The following NETO1 variants were observed in gnomAD, a reference collection of about 807,000 sequenced individuals.
The protein encoded by NETO1 is neuropilin and tolloid-like protein 1.
Under a neutral mutation model 61.3 loss-of-function variants are expected in NETO1, and 26 were observed. The ratio of observed to expected loss-of-function variants is 0.42; its 90% confidence interval spans 0.31 to 0.59. NETO1 has a LOEUF of 0.59. Ranked by LOEUF, NETO1 falls within the 20% of genes least tolerant of loss-of-function variation. The probability of loss-of-function intolerance (pLI) is 0.12; values close to 1 mark genes in which losing one functional copy is unlikely to be tolerated. For missense variants in NETO1, 531 were observed against 662.8 expected, an observed-to-expected ratio of 0.80 and a Z score of 2.18; for synonymous variants, 225 against 225.8, an observed-to-expected ratio of 1.00 and a Z score of 0.03.
chr18:72,867,368 G>C lies in NETO1; in HGVS notation c.-77C>G. The C allele has an allele frequency of 7.8e-7, 1 of 1,278,220 alleles. No homozygotes were observed. Among genetic ancestry groups the C allele is most frequent in the Non-Finnish European group, 1.1e-6 (1 of 926,830 alleles). 79.2% of individuals were successfully genotyped at this position (1,278,220 alleles called of 1,614,324 possible). On this transcript the variant is annotated 5_prime_UTR_variant, in exon 1 of 11. Coordinates refer to ENST00000327305, the MANE Select transcript of NETO1 (RefSeq NM_138966.5). ...GGGAAGACTTCCAGTGGCGGGGGGAGGACAGGGTCGAGAGGTGTTAAAGAC... is the reference window on the plus strand; with the variant it reads ...GGGAAGACTTCCAGTGGCGGGGGGACGACAGGGTCGAGAGGTGTTAAAGAC...
At chr18:72,783,956 A>G in intron 6 of NETO1, 50 bp from the exon 7 acceptor site, 1 of 1,279,354 alleles carries the variant, frequency 7.8e-7, no homozygotes, top group Non-Finnish European at 1.1e-6. Flanking sequence ...ATGAATGTAC[A>G]TCAGTATCAG....
intron 4 of NETO1, among the ~76,000 whole-genome samples, chr18:72,817,250 G>A (rs1380111795): frequency 6.6e-6 from 1 of 152,112 alleles, no homozygotes; most frequent in Non-Finnish European, 1.5e-5. Context: ...TTGTAGCCCA[G>A]CAAACATACC....
intron 4 of NETO1, among the ~76,000 whole-genome samples, chr18:72,827,576 C>A (rs1436995388): frequency 6.6e-6 from 1 of 152,008 alleles, no homozygotes. Flanking sequence ...ATGAGCTGGG[C>A]ATGGTGATGT....
intron 6 of NETO1, among the ~76,000 whole-genome samples, chr18:72,785,899 C>T (rs908586390): frequency 1.3e-5 from 2 of 152,154 alleles, no homozygotes; most frequent in Admixed American, 6.6e-5. Context: ...ACTCCCCAAT[C>T]GCAGCAGACT....
rs1434755637 is a variant in NETO1 at position 72,763,482 on chromosome 18, T to A, written c.869-7335A>T. Among the ~76,000 whole-genome samples, 3 of 143,992 alleles carry A rather than the reference T, an allele frequency of 2.1e-5. No individual in the cohort carries two copies. The East Asian group carries it at 7.2e-4, about 35-fold the overall frequency. 94.5% of individuals were successfully genotyped at this position (143,992 alleles called of 152,430 possible). A position where few individuals can be genotyped will look rare whatever the true frequency, so the allele number is the denominator to read the frequency against. On this transcript the variant is annotated intron_variant, in intron 7 of 10. Coordinates refer to ENST00000327305, the MANE Select transcript of NETO1 (RefSeq NM_138966.5). ...CTTGCTTTCCTCAAATTATTTTAAC[T>A]TCTTTAATTTTGAGCTTCGTCTAAA... is the stretch of plus-strand genomic sequence containing the variant.
chr18:72,851,311 T>C (rs539912594), intron 4 of NETO1, among the ~76,000 whole-genome samples: 2 of 152,010 alleles, frequency 1.3e-5, no homozygotes, highest in East Asian at 3.9e-4. Context: ...CTAGGGAGGC[T>C]GAGGCAGGAG....
At chr18:72,819,087 C>A (rs145440089) in intron 4 of NETO1, among the ~76,000 whole-genome samples, 87 of 152,120 alleles carry the variant, frequency 5.7e-4, no homozygotes, top group African/African-American at 2.0e-3. Context: ...GAATCTAAGT[C>A]CATGTCTTCC....
intron 7 of NETO1, among the ~76,000 whole-genome samples, chr18:72,762,620 C>G (rs1383351730): frequency 3.3e-5 from 5 of 152,116 alleles, no homozygotes; most frequent in Admixed American, 3.3e-4. Flanking sequence ...ATTTTTAAAT[C>G]AGGAAAATAG....
Position 72,825,909 on chromosome 18 carries a change from A to T in NETO1, c.470-31505T>A, listed in dbSNP as rs182170232. Among the ~76,000 whole-genome samples the T allele has an allele frequency of 5.8e-4, 89 of 152,268 alleles. 1 individual carries two copies. The highest frequency in any genetic ancestry group is 2.0e-3 in the Admixed American group (31 of 15,304). ...CACTAGATTTTTTTAGTAAGTGTTG[A>T]GATTTTCTTTGTGACATATATGGTG... is the stretch of plus-strand genomic sequence containing the variant. On this transcript the variant is annotated intron_variant, in intron 4 of 10. Transcript: ENST00000327305.
At chr18:72,751,476 G>C (rs926956698) in intron 8 of NETO1, among the ~76,000 whole-genome samples, 6 of 152,140 alleles carry the variant, frequency 3.9e-5, no homozygotes, top group Admixed American at 1.3e-4. Flanking sequence ...CCTTAGAAGG[G>C]GAAAGCTACC....
At chr18:72,788,434 T>C (rs1270479743) in intron 6 of NETO1, among the ~76,000 whole-genome samples, 2 of 152,176 alleles carry the variant, frequency 1.3e-5, no homozygotes, top group African/African-American at 2.4e-5. Flanking sequence ...ATATGTCATG[T>C]AAAATCTCTC....
chr18:72,788,813 T>C (rs755948873), intron 6 of NETO1, among the ~76,000 whole-genome samples: 4 of 152,100 alleles, frequency 2.6e-5, no homozygotes, highest in African/African-American at 7.2e-5. Flanking sequence ...AGCTAACAAT[T>C]TACTAAGTAA....
At chr18:72,766,776 C>CAT (rs1399642995) in intron 7 of NETO1, among the ~76,000 whole-genome samples, 1 of 134,118 alleles carries the variant, frequency 7.5e-6, no homozygotes, top group East Asian at 2.4e-4. Flanking sequence ...ACTTACATTC[C>CAT]ATATATAAAA....
chr18:72,827,090 C>CTTT (rs75038247), intron 4 of NETO1, among the ~76,000 whole-genome samples: 58,959 of 142,584 alleles, frequency 0.41, 12,840 homozygotes, highest in Non-Finnish European at 0.47. Context: ...TCAATGCTTT[C>CTTT]TTTTTTTTTT....
chr18:72,866,597 T>C (rs1280522644), intron 1 of NETO1: 4 of 535,200 alleles, frequency 7.5e-6, no homozygotes, highest in Non-Finnish European at 9.4e-6. Context: ...CCCTCTCAAC[T>C]GCGTGGCCCG....
intron 4 of NETO1, among the ~76,000 whole-genome samples, chr18:72,810,427 C>T (rs1252194029): frequency 1.3e-5 from 2 of 152,130 alleles, no homozygotes; most frequent in Non-Finnish European, 2.9e-5. Flanking sequence ...ATTCCTGGAC[C>T]TCCAGACCTA....
chr18:72,851,784 T>C (rs1697813629), intron 4 of NETO1, among the ~76,000 whole-genome samples: 1 of 152,198 alleles, frequency 6.6e-6, no homozygotes, highest in Admixed American at 6.5e-5. Context: ...TATCCCTTAA[T>C]TAAATTTCTT....
rs1223044187 is a variant in NETO1, at chr18:72,748,151, T to C, written c.*28A>G. On this transcript the variant is annotated 3_prime_UTR_variant, in exon 11 of 11. Transcript: ENST00000327305. Reference sequence around the variant, plus strand: ...TCTTTTCACAGTCCCCATGTTTGTATAAATAGTTCTTCTCTGAAAATAAAA... The same window carrying C: ...TCTTTTCACAGTCCCCATGTTTGTACAAATAGTTCTTCTCTGAAAATAAAA... 39 of 981,770 alleles carry C rather than the reference T, an allele frequency of 4.0e-5. No homozygotes were observed. The highest frequency in any genetic ancestry group is 4.6e-5 in the Non-Finnish European group (38 of 826,240). The allele number at this position is 981,770 out of a possible 1,614,324, so 60.8% of individuals were successfully genotyped here. A position where few individuals can be genotyped will look rare whatever the true frequency, so the allele number is the denominator to read the frequency against.
intron 7 of NETO1, among the ~76,000 whole-genome samples, chr18:72,774,879 G>T (rs928033111): frequency 6.6e-6 from 1 of 152,156 alleles, no homozygotes; most frequent in Admixed American, 6.5e-5. Flanking sequence ...AATGCAAAGT[G>T]CCATTTAGCT....
Sources: allele counts gnomAD v4.1 joint callset (sites outside exome capture counted in the v4.1 genomes callset), GRCh38; gene constraint gnomAD v4.1.1; transcripts MANE v1.5; gene names NCBI Gene and HGNC (gene_info 2026-07-23, HGNC 2026-07-21).